GRM7: variants seen among roughly 807,000 people sequenced by gnomAD.
GRM7 encodes metabotropic glutamate receptor 7.
A neutral mutation model predicts 84.5 loss-of-function variants in GRM7; 35 were observed. That is an observed-to-expected ratio of 0.41 (90% confidence interval 0.32 to 0.55). The LOEUF (loss-of-function observed/expected upper bound fraction) is 0.55. Among genes scored for constraint, GRM7 ranks in the 20% least tolerant of loss-of-function variants. The pLI is 0.19. For missense variants in GRM7, 1,003 were observed against 1,194.6 expected (o/e 0.84, Z 2.36); for synonymous variants, 487 against 455.1 (o/e 1.07, Z -0.89).
intron 4 of GRM7, among the ~76,000 whole-genome samples, chr3:7,405,391 C>A (rs936147846): frequency 1.3e-5 from 2 of 151,962 alleles, no homozygotes; most frequent in African/African-American, 4.8e-5. Context: ...TTTTGGGGTA[C>A]ATAGTGATAT....
intron 7 of GRM7, among the ~76,000 whole-genome samples, chr3:7,470,532 A>C (rs1698656908): frequency 1.3e-5 from 2 of 152,200 alleles, no homozygotes; most frequent in Non-Finnish European, 2.9e-5. Context: ...TGCAAGATTA[A>C]TAATATTTAT....
chr3:7,142,480 C>A (rs912819726), intron 1 of GRM7, among the ~76,000 whole-genome samples: 3 of 152,002 alleles, frequency 2.0e-5, no homozygotes, highest in African/African-American at 7.2e-5. Flanking sequence ...GGAGGAAGAG[C>A]GCCTTATAAA....
At chr3:7,053,002 T>G (rs1229206622) in intron 1 of GRM7, among the ~76,000 whole-genome samples, 4 of 151,132 alleles carry the variant, frequency 2.6e-5, no homozygotes, top group African/African-American at 9.7e-5. Context: ...TTATTTTATA[T>G]ATTTCTACCA....
chr3:7,142,280 G>A (rs138240200), intron 1 of GRM7, among the ~76,000 whole-genome samples: 1 of 152,148 alleles, frequency 6.6e-6, no homozygotes, highest in Non-Finnish European at 1.5e-5. Flanking sequence ...AACTATATAT[G>A]TGTAGTAGTC....
intron 1 of GRM7, among the ~76,000 whole-genome samples, chr3:6,889,170 C>T (rs375479929): frequency 1.5e-4 from 23 of 152,102 alleles, no homozygotes; most frequent in Non-Finnish European, 2.1e-4. Flanking sequence ...AATCATGTCA[C>T]CTGCAAACAG....
chr3:7,363,160 T>C (rs1460638406), intron 4 of GRM7, among the ~76,000 whole-genome samples: 2 of 151,268 alleles, frequency 1.3e-5, no homozygotes, highest in East Asian at 3.9e-4. Context: ...TAAATAATTT[T>C]GAAATAAAAT....
intron 2 of GRM7, among the ~76,000 whole-genome samples, chr3:7,182,614 T>A (rs1263823682): frequency 6.6e-6 from 1 of 152,224 alleles, no homozygotes; most frequent in Non-Finnish European, 1.5e-5. Flanking sequence ...AGTGGCTTTG[T>A]GTGTTTTATT....
intron 4 of GRM7, among the ~76,000 whole-genome samples, chr3:7,363,050 C>CATTTG (rs1193173709): frequency 6.6e-6 from 1 of 151,968 alleles, no homozygotes; most frequent in Non-Finnish European, 1.5e-5. Context: ...TGAGCCCAGA[C>CATTTG]ATTTGAGGAT....
At chr3:6,888,852 T>C (rs1490360299) in intron 1 of GRM7, among the ~76,000 whole-genome samples, 1 of 152,210 alleles carries the variant, frequency 6.6e-6, no homozygotes, top group Non-Finnish European at 1.5e-5. Flanking sequence ...TATTGATTCT[T>C]CCTACCCATG....
chr3:7,677,689 C>T (rs1196703131), intron 8 of GRM7, among the ~76,000 whole-genome samples: 1 of 152,132 alleles, frequency 6.6e-6, no homozygotes, highest in Non-Finnish European at 1.5e-5. Flanking sequence ...CTAAACACTT[C>T]ATAAAATAAA....
At chr3:7,452,024 G>C (rs1697790731) in intron 5 of GRM7, among the ~76,000 whole-genome samples, 1 of 152,144 alleles carries the variant, frequency 6.6e-6, no homozygotes, top group Non-Finnish European at 1.5e-5. Flanking sequence ...CATTGGTGGA[G>C]TGTTTGACAC....
chr3:7,627,445 T>C (rs1227551189), intron 8 of GRM7, among the ~76,000 whole-genome samples: 1 of 152,192 alleles, frequency 6.6e-6, no homozygotes, highest in African/African-American at 2.4e-5. Context: ...TATGAAATAG[T>C]AACATTTCAT....
intron 7 of GRM7, among the ~76,000 whole-genome samples, chr3:7,506,838 G>C (rs549676649): frequency 2.0e-5 from 3 of 152,130 alleles, no homozygotes; most frequent in Non-Finnish European, 2.9e-5. Flanking sequence ...ACTCATGAGG[G>C]CAGAGCCAAC....
chr3:7,146,765 T>C (rs1694123822), intron 2 of GRM7, 97 bp downstream of exon 2: 1 of 794,512 alleles, frequency 1.3e-6, no homozygotes, highest in African/African-American at 1.7e-5. Context: ...TACAGACTCT[T>C]ACATTCCCAG....
At chr3:7,246,982 C>T (rs923938647) in intron 2 of GRM7, among the ~76,000 whole-genome samples, 14 of 152,036 alleles carry the variant, frequency 9.2e-5, no homozygotes, top group African/African-American at 3.4e-4. Flanking sequence ...ATTAATTCAC[C>T]ACAGTAGAAT....
intron 1 of GRM7, among the ~76,000 whole-genome samples, chr3:6,951,023 C>T (rs114027344): frequency 0.066 from 10,085 of 152,248 alleles, 473 homozygotes; most frequent in African/African-American, 0.12. Flanking sequence ...TGATGCCTCT[C>T]CCTGCTTCGG....
chr3:6,902,883 C>CACACACACACA (rs1287165184), intron 1 of GRM7, among the ~76,000 whole-genome samples: 12 of 131,556 alleles, frequency 9.1e-5, no homozygotes, highest in South Asian at 4.6e-4. Flanking sequence ...ACACACACAC[C>CACACACACACA]CCTACTCTAG....
At chr3:7,266,291 C>G (rs1394738406) in intron 2 of GRM7, among the ~76,000 whole-genome samples, 1 of 152,196 alleles carries the variant, frequency 6.6e-6, no homozygotes, top group Non-Finnish European at 1.5e-5. Context: ...TAAAGTGTTA[C>G]TGTTCAAAAG....
intron 4 of GRM7, among the ~76,000 whole-genome samples, chr3:7,368,496 T>G (rs1276298668): frequency 6.6e-6 from 1 of 152,150 alleles, no homozygotes; most frequent in African/African-American, 2.4e-5. Context: ...ATAATTCATT[T>G]TTTTCTATTG....
Sources: allele counts gnomAD v4.1 joint callset (sites outside exome capture counted in the v4.1 genomes callset), GRCh38; gene constraint gnomAD v4.1.1; transcripts MANE v1.5; gene names NCBI Gene and HGNC (gene_info 2026-07-23, HGNC 2026-07-21).